Variants in PAK5 observed in about 807,000 individuals in gnomAD.
The protein encoded by PAK5 is serine/threonine-protein kinase PAK 5.
Under a neutral mutation model 65.9 loss-of-function variants are expected in PAK5, and 16 were observed. The ratio of observed to expected loss-of-function variants is 0.24; its 90% confidence interval spans 0.16 to 0.37. The LOEUF is 0.37. PAK5 is among the 10% of genes least tolerant of loss of function. The pLI is 1.00. For synonymous variants in PAK5, 371 were observed against 354.9 expected (o/e 1.05, Z -0.51); for missense variants, 785 against 903.9 (o/e 0.87, Z 1.69).
chr20:9,720,430 T>C (rs2048200818), intron 1 of PAK5, among the ~76,000 whole-genome samples: 1 of 152,202 alleles, frequency 6.6e-6, no homozygotes, highest in Non-Finnish European at 1.5e-5. Context: ...CTGTTAGATC[T>C]TCTTATACTG....
intron 3 of PAK5, among the ~76,000 whole-genome samples, chr20:9,584,952 T>A (rs760034581): frequency 6.6e-6 from 1 of 151,538 alleles, no homozygotes; most frequent in Non-Finnish European, 1.5e-5. Flanking sequence ...ATGTGCCACA[T>A]GGGTAATGAG....
intron 2 of PAK5, among the ~76,000 whole-genome samples, chr20:9,688,565 C>T (rs2047751414): frequency 6.6e-6 from 1 of 151,726 alleles, no homozygotes; most frequent in African/African-American, 2.4e-5. Context: ...CTTGTCTGCC[C>T]AGTGATGGCC....
At chr20:9,763,585 G>A (rs530075534) in intron 1 of PAK5, among the ~76,000 whole-genome samples, 17 of 152,066 alleles carry the variant, frequency 1.1e-4, no homozygotes, top group South Asian at 1.0e-3. Flanking sequence ...TGACTAAACC[G>A]TGCAGATTAA....
At position 9,566,175 on chromosome 20, in the gene PAK5, G is replaced by A. The variant is rs751614390; in HGVS notation, c.1200C>T (p.Tyr400=). ...TGGATGAGAGGCTGAGGGAGCTCAG[G>A]TAGGAAGCCGTGGAGATGTACTGCG... ...SSSQYISTAS[Y]LSSLSLSSST... The change falls in exon 5 of 10, where the codon TAC becomes TAT. Residue 400 remains tyrosine, a synonymous_variant. Transcript: ENST00000353224. 8.1e-6 allele frequency: 13 copies of A among 1,613,866 alleles called. No homozygotes were observed. In the East Asian group the frequency reaches 2.9e-4, roughly 36 times the overall value.
rs549877092 is a variant in PAK5 at position 9,659,245 on chromosome 20, A to G, written c.-11-14906T>C. Among the ~76,000 whole-genome samples, 8 of 152,290 alleles carry G rather than the reference A, an allele frequency of 5.3e-5. No individual in the cohort carries two copies. In the East Asian group the frequency reaches 5.8e-4, roughly 11 times the overall value. ...ATCAGAGCCTGCTTTCTTTCCTTCA[A>G]TCTTCAAGAATATAAAAACTGATGC... is the stretch of plus-strand genomic sequence containing the variant. On this transcript the variant is annotated intron_variant, in intron 2 of 9. Transcript: ENST00000353224.
intron 1 of PAK5, among the ~76,000 whole-genome samples, chr20:9,743,899 T>C (rs549295524): frequency 7.2e-5 from 11 of 152,300 alleles, no homozygotes; most frequent in African/African-American, 2.4e-4. Context: ...GATCTTGAGA[T>C]GTGGAGATAA....
At chr20:9,647,683 C>T (rs948500592) in intron 2 of PAK5, among the ~76,000 whole-genome samples, 1 of 152,184 alleles carries the variant, frequency 6.6e-6, no homozygotes, top group African/African-American at 2.4e-5. Context: ...TTGTGTGATA[C>T]AGCACAACTA....
chr20:9,640,273 T>C (rs530144578), intron 3 of PAK5, among the ~76,000 whole-genome samples: 1 of 145,234 alleles, frequency 6.9e-6, no homozygotes, highest in South Asian at 2.3e-4. Flanking sequence ...CATGTGTTCT[T>C]ATTGTTCACT....
At chr20:9,832,826 G>A (rs532557047) in intron 1 of PAK5, among the ~76,000 whole-genome samples, 149 of 151,936 alleles carry the variant, frequency 9.8e-4, no homozygotes, top group African/African-American at 3.3e-3. Context: ...TTTGAATTAT[G>A]CATTCAGATA....
In PAK5 at chr20:9,644,235, ACTT is replaced by A; in HGVS notation, c.91_93del (p.Lys31del). On this transcript the variant is annotated inframe_deletion, in exon 3 of 10. Coordinates refer to ENST00000353224, the MANE Select transcript of PAK5 (RefSeq NM_177990.4). ...TGCCACTGCTGGGGAAGGCCGGTAA[ACTT>A]CTGCTCTTGTGGATCAAACCCAGTA... 6.2e-7 allele frequency: 1 copy of A among 1,607,210 alleles called. No individual in the cohort carries two copies. Among genetic ancestry groups the A allele is most frequent in the Non-Finnish European group, 8.5e-7 (1 of 1,177,674 alleles).
intron 7 of PAK5, among the ~76,000 whole-genome samples, chr20:9,553,424 C>T (rs2045460356): frequency 6.6e-6 from 1 of 152,146 alleles, no homozygotes; most frequent in Admixed American, 6.5e-5. Context: ...TAACCACCAC[C>T]AAAATCAAGA....
intron 1 of PAK5, among the ~76,000 whole-genome samples, chr20:9,730,048 A>T (rs1257328302): frequency 6.6e-6 from 1 of 151,732 alleles, no homozygotes; most frequent in Non-Finnish European, 1.5e-5. Flanking sequence ...CTCGAAAAAA[A>T]AAAAAGAGAA....
In PAK5 at chr20:9,580,202, G is replaced by C; in HGVS notation, c.933C>G (p.His311Gln). 6.2e-7 allele frequency: 1 copy of C among 1,614,170 alleles called. No individual in the cohort carries two copies. The highest frequency in any genetic ancestry group is 8.5e-7 in the Non-Finnish European group (1 of 1,180,004). ...GAGGGTAGGTGTAGGAGTTGTAGGA[G>C]TGTCCTTGGGGATGGGTTTTAAATG... ...ASAFKTHPQG[H>Q]SYNSYTYPRL... is the part of the protein sequence containing the mutation. Residue 311 changes from histidine to glutamine, a missense_variant, in exon 4 of 10, where the codon CAC (histidine) becomes CAG (glutamine). Physicochemically the swap from His to Gln is conservative, Grantham distance 24. Coordinates refer to ENST00000353224, the MANE Select transcript of PAK5 (RefSeq NM_177990.4).
At chr20:9,559,165 T>C (rs1161337495) in intron 6 of PAK5, among the ~76,000 whole-genome samples, 1 of 152,090 alleles carries the variant, frequency 6.6e-6, no homozygotes, top group Non-Finnish European at 1.5e-5. Context: ...GCCTAACTCA[T>C]CTATGTGCAA....
Position 9,722,463 on chromosome 20 carries a change from T to G in PAK5, c.-161-11028A>C, listed in dbSNP as rs534209010. ...CCGTCTCTACTAAAACTACAAAAAATTAGCTGGGCATGGTGGCGGGCGCCT... is the reference window on the plus strand; with the variant it reads ...CCGTCTCTACTAAAACTACAAAAAAGTAGCTGGGCATGGTGGCGGGCGCCT... On this transcript the variant is annotated intron_variant, in intron 1 of 9. Coordinates refer to ENST00000353224, the MANE Select transcript of PAK5 (RefSeq NM_177990.4). Among the ~76,000 whole-genome samples, 4 of 151,592 alleles carry G rather than the reference T, an allele frequency of 2.6e-5. No homozygotes were observed. The South Asian group carries it at 8.4e-4, about 32-fold the overall frequency.
intron 3 of PAK5, among the ~76,000 whole-genome samples, chr20:9,595,116 C>CAT (rs1170317093): frequency 2.8e-4 from 42 of 149,148 alleles, no homozygotes; most frequent in South Asian, 8.4e-4. Flanking sequence ...TACACATATA[C>CAT]ATATATATAG....
intron 2 of PAK5, among the ~76,000 whole-genome samples, chr20:9,677,667 A>G (rs2047593245): frequency 6.6e-6 from 1 of 152,230 alleles, no homozygotes; most frequent in Non-Finnish European, 1.5e-5. Flanking sequence ...GTTTGACCAG[A>G]AAACTGTTAA....
intron 1 of PAK5, among the ~76,000 whole-genome samples, chr20:9,736,618 C>T (rs1360775523): frequency 6.6e-6 from 1 of 152,168 alleles, no homozygotes; most frequent in African/African-American, 2.4e-5. Context: ...GGGTTATTAT[C>T]ATGAAGGTTT....
At chr20:9,658,154 T>A (rs1207232126) in intron 2 of PAK5, among the ~76,000 whole-genome samples, 1 of 152,202 alleles carries the variant, frequency 6.6e-6, no homozygotes, top group Non-Finnish European at 1.5e-5. Context: ...TATGAGTAGA[T>A]TAGTTGATCA....
Sources: allele counts gnomAD v4.1 joint callset (sites outside exome capture counted in the v4.1 genomes callset), GRCh38; gene constraint gnomAD v4.1.1; transcripts MANE v1.5; gene names NCBI Gene and HGNC (gene_info 2026-07-23, HGNC 2026-07-21).